Variants in MGAT4C observed in about 807,000 individuals in gnomAD.
The protein encoded by MGAT4C is alpha-1,3-mannosyl-glycoprotein 4-beta-N-acetylglucosaminyltransferase C.
In MGAT4C, 19 loss-of-function variants were observed where a neutral mutation model predicts 40.1. The observed-to-expected ratio is 0.47, with a 90% CI of 0.33 to 0.70. MGAT4C has a LOEUF of 0.70. Among genes scored for constraint, MGAT4C ranks in the 30% least tolerant of loss-of-function variants. The pLI, the probability that MGAT4C is intolerant of heterozygous loss-of-function variation, is 0.02. For missense variants in MGAT4C, 491 were observed against 563.2 expected, an observed-to-expected ratio of 0.87 and a Z score of 1.30; for synonymous variants, 181 against 187.1, an observed-to-expected ratio of 0.97 and a Z score of 0.27.
rs1883597907 is a variant in MGAT4C at position 85,971,033 on chromosome 12, A to T, written c.*8256T>A. On this transcript the variant is annotated 3_prime_UTR_variant, in exon 5 of 5. Transcript: ENST00000611864. ...ATTTCATATTATGAGAGCAATATGTAAATTTCATTGCAACAATGGTTATTC... is the reference window on the plus strand; with the variant it reads ...ATTTCATATTATGAGAGCAATATGTTAATTTCATTGCAACAATGGTTATTC... The T allele has an allele frequency of 6.6e-6, 1 of 151,194 alleles. No homozygotes were observed. Among genetic ancestry groups the T allele is most frequent in the Non-Finnish European group, 1.5e-5 (1 of 67,318 alleles). 9.4% of individuals were successfully genotyped at this position (151,194 alleles called of 1,614,324 possible).
At chr12:86,534,060 A>C (rs955528860) in intron 2 of MGAT4C, among the ~76,000 whole-genome samples, 2 of 152,078 alleles carry the variant, frequency 1.3e-5, no homozygotes, top group African/African-American at 4.8e-5. Context: ...GGCCTCACAA[A>C]GCTGTCACTT....
chr12:86,774,281 C>CTCTTTCTTTCTTTCTTTCTTTT (rs1555227735), intron 1 of MGAT4C, among the ~76,000 whole-genome samples: 6 of 58,950 alleles, frequency 1.0e-4, no homozygotes, highest in African/African-American at 3.9e-4. Flanking sequence ...CTAAGGCTTG[C>CTCTTTCTTTCTTTCTTTCTTTT]TCTTTCTTTC....
chr12:86,612,928 G>C (rs573377021), intron 2 of MGAT4C, among the ~76,000 whole-genome samples: 2 of 151,970 alleles, frequency 1.3e-5, no homozygotes, highest in African/African-American at 4.8e-5. Context: ...TTTCTAATCT[G>C]AAGTGTTCAT....
intron 2 of MGAT4C, among the ~76,000 whole-genome samples, chr12:86,446,163 ATAT>A (rs1565768779): frequency 6.6e-6 from 1 of 152,142 alleles, no homozygotes; most frequent in Non-Finnish European, 1.5e-5. Context: ...TCTTTAGAAC[ATAT>A]TATTTTTTAT....
chr12:86,428,549 G>C (rs551936772), intron 3 of MGAT4C, among the ~76,000 whole-genome samples: 2 of 152,164 alleles, frequency 1.3e-5, no homozygotes, highest in African/African-American at 2.4e-5. Flanking sequence ...TTGAGGATTT[G>C]TATCTGTTTT....
chr12:86,764,018 CAGTG>C (rs569966060), intron 1 of MGAT4C, among the ~76,000 whole-genome samples: 47 of 152,128 alleles, frequency 3.1e-4, no homozygotes, highest in Admixed American at 9.2e-4. Context: ...TGGTGCGGGG[CAGTG>C]GGTGGGTGCA....
At chr12:86,396,065 G>A (rs1956256321) in intron 3 of MGAT4C, among the ~76,000 whole-genome samples, 1 of 151,718 alleles carries the variant, frequency 6.6e-6, no homozygotes, top group African/African-American at 2.4e-5. Flanking sequence ...TTTTTCTCCA[G>A]GTAATAACTA....
chr12:86,101,749 A>C (rs1043632989), intron 1 of MGAT4C, among the ~76,000 whole-genome samples: 1 of 151,860 alleles, frequency 6.6e-6, no homozygotes, highest in Non-Finnish European at 1.5e-5. Context: ...GATTTAGTCT[A>C]AATACTCAGA....
At chr12:86,012,093 C>T (rs1888513663) in intron 2 of MGAT4C, among the ~76,000 whole-genome samples, 1 of 152,154 alleles carries the variant, frequency 6.6e-6, no homozygotes, top group South Asian at 2.1e-4. Flanking sequence ...AGTCGTAACT[C>T]ATATTATATT....
chr12:86,339,730 C>T (rs904889601), intron 3 of MGAT4C, among the ~76,000 whole-genome samples: 1 of 151,870 alleles, frequency 6.6e-6, no homozygotes, highest in Non-Finnish European at 1.5e-5. Context: ...ACACACACAC[C>T]TACACATGCA....
rs142592313 is a variant in MGAT4C, at chr12:86,583,992, A to G, written c.-229+143217T>C. ...CATTTAATGTATATTATTTTGACAT[A>G]TTTAAAAATACAAGTCAAACATTAT... On this transcript the variant is annotated intron_variant, in intron 2 of 7. Transcript: ENST00000548651. 2.1e-3 allele frequency among the ~76,000 whole-genome samples: 324 copies of G among 151,142 alleles called. 1 individual carries two copies. Among genetic ancestry groups the G allele is most frequent in the Non-Finnish European group, 3.9e-3 (263 of 67,332 alleles).
chr12:86,704,296 G>C (rs948597423), intron 2 of MGAT4C, among the ~76,000 whole-genome samples: 1 of 151,956 alleles, frequency 6.6e-6, no homozygotes. Flanking sequence ...TGCTTGGATA[G>C]AGAATGATAG....
intron 4 of MGAT4C, among the ~76,000 whole-genome samples, chr12:86,302,386 G>T (rs1342748477): frequency 4.3e-5 from 4 of 92,346 alleles, no homozygotes; most frequent in Non-Finnish European, 9.5e-5. Context: ...CAGTTGCAGG[G>T]TTTTTGTTTG....
At chr12:86,681,246 CTAATTTGCTG>C (rs1949975903) in intron 2 of MGAT4C, among the ~76,000 whole-genome samples, 1 of 151,820 alleles carries the variant, frequency 6.6e-6, no homozygotes, top group African/African-American at 2.4e-5. Context: ...TTAGGACTAA[CTAATTTGCTG>C]ATGAGGTGAT....
Position 86,306,846 on chromosome 12 carries a change from C to T in MGAT4C, c.-57+27219G>A, listed in dbSNP as rs982239996. ...TGAACTATAGACAGATAAAGGGATA[C>T]GTGATAAAGAAAGTATAGTACAATG... is the stretch of plus-strand genomic sequence containing the variant. On this transcript the variant is annotated intron_variant, in intron 4 of 7. Transcript: ENST00000548651. Among the ~76,000 whole-genome samples, 31 of 78,846 alleles carry T rather than the reference C, an allele frequency of 3.9e-4. 1 individual carries two copies. The South Asian group carries it at 5.0e-3, about 13-fold the overall frequency. The allele number at this position is 78,846 out of a possible 152,430, so 51.7% of individuals were successfully genotyped here. A position where few individuals can be genotyped will look rare whatever the true frequency, so the allele number is the denominator to read the frequency against.
intron 1 of MGAT4C, among the ~76,000 whole-genome samples, chr12:86,759,081 T>C (rs1039059532): frequency 1.3e-5 from 2 of 152,094 alleles, no homozygotes; most frequent in Non-Finnish European, 2.9e-5. Context: ...ACTGTTATTT[T>C]GCCTACTTCT....
At chr12:86,348,127 G>T (rs1297600832) in intron 3 of MGAT4C, among the ~76,000 whole-genome samples, 1 of 152,050 alleles carries the variant, frequency 6.6e-6, no homozygotes, top group African/African-American at 2.4e-5. Flanking sequence ...ACATCTAGAT[G>T]AATTAAATGA....
At chr12:86,701,234 CTT>C (rs757002716) in intron 2 of MGAT4C, among the ~76,000 whole-genome samples, 2 of 148,906 alleles carry the variant, frequency 1.3e-5, no homozygotes, top group Non-Finnish European at 3.0e-5. Flanking sequence ...GTAGATGTTA[CTT>C]TTTTTTTTAC....
At chr12:86,063,090 G>A (rs1894154362) in intron 1 of MGAT4C, among the ~76,000 whole-genome samples, 1 of 152,120 alleles carries the variant, frequency 6.6e-6, no homozygotes, top group Non-Finnish European at 1.5e-5. Flanking sequence ...CACCAAGGTT[G>A]AAATGAAGGA....
Sources: allele counts gnomAD v4.1 joint callset (sites outside exome capture counted in the v4.1 genomes callset), GRCh38; gene constraint gnomAD v4.1.1; transcripts MANE v1.5; gene names NCBI Gene and HGNC (gene_info 2026-07-23, HGNC 2026-07-21).